The following CDH13 variants were observed in gnomAD, a reference collection of about 807,000 sequenced individuals.
CDH13 encodes the protein cadherin-13.
A neutral mutation model predicts 63.8 loss-of-function variants in CDH13; 24 were observed. The ratio of observed to expected loss-of-function variants is 0.38; its 90% CI spans 0.27 to 0.53. The LOEUF is 0.53. CDH13 is among the 20% of genes least tolerant of loss of function. The probability of loss-of-function intolerance (pLI) is 0.85; values close to 1 mark genes in which losing one functional copy is unlikely to be tolerated. For missense variants in CDH13, 1,049 were observed against 903.1 expected (o/e 1.16, Z -2.07); for synonymous variants, 503 against 355.3 (o/e 1.42, Z -4.67).
At chr16:83,196,583 C>G (rs1351960240) in intron 4 of CDH13, among the ~76,000 whole-genome samples, 2 of 152,054 alleles carry the variant, frequency 1.3e-5, no homozygotes, top group Non-Finnish European at 2.9e-5. Context: ...TCTCTAAACT[C>G]AACAGCAGAA....
chr16:83,343,428 TAAC>T (rs1429227620), intron 5 of CDH13, among the ~76,000 whole-genome samples: 1 of 152,200 alleles, frequency 6.6e-6, no homozygotes, highest in Non-Finnish European at 1.5e-5. Flanking sequence ...TTTTGAGAAA[TAAC>T]AATGCAGTGA....
rs185776473 is a variant in CDH13 at position 83,000,040 on chromosome 16, A to C, written c.158-31970A>C. On this transcript the variant is annotated intron_variant, in intron 2 of 13. Coordinates refer to ENST00000567109, the MANE Select transcript of CDH13 (RefSeq NM_001257.5). ...CATCCATGCAGAACAACAACAACAA[A>C]AAAATATCCTGCCCAAAATGTCAAT... 2.3e-3 allele frequency among the ~76,000 whole-genome samples: 354 copies of C among 152,076 alleles called. 1 individual carries two copies. Among genetic ancestry groups the C allele is most frequent in the East Asian group, 3.5e-3 (18 of 5,152 alleles).
chr16:83,368,350 C>G (rs745692805), intron 6 of CDH13, among the ~76,000 whole-genome samples: 6 of 152,296 alleles, frequency 3.9e-5, no homozygotes, highest in Middle Eastern at 3.4e-3. Flanking sequence ...GCTTACCTTT[C>G]TAACGTGTGA....
intron 5 of CDH13, among the ~76,000 whole-genome samples, chr16:83,241,778 A>G (rs1428237055): frequency 2.6e-5 from 4 of 152,152 alleles, no homozygotes; most frequent in African/African-American, 9.7e-5. Context: ...TCTCCTATTT[A>G]GTAAGTTGCG....
intron 3 of CDH13, among the ~76,000 whole-genome samples, chr16:83,075,391 G>A (rs900121537): frequency 6.6e-6 from 1 of 152,230 alleles, no homozygotes; most frequent in African/African-American, 2.4e-5. Flanking sequence ...CTAGTTACAT[G>A]TAGCATGTGA....
rs549407165 is a variant in CDH13, at chr16:83,259,603, A to G, written c.636+42106A>G. ...GCAGAGAAACACTTGAAAATCATTC[A>G]CTTAAGACAAAGTCAATAGAAGACT... On this transcript the variant is annotated intron_variant, in intron 5 of 13. Coordinates refer to ENST00000567109, the MANE Select transcript of CDH13 (RefSeq NM_001257.5). Among the ~76,000 whole-genome samples the G allele has an allele frequency of 5.3e-5, 8 of 152,348 alleles. No homozygotes were observed. In the East Asian group the frequency reaches 1.3e-3, roughly 26 times the overall value.
chr16:83,471,370 G>A (rs548203056), intron 6 of CDH13, among the ~76,000 whole-genome samples: 1 of 150,976 alleles, frequency 6.6e-6, no homozygotes, highest in Non-Finnish European at 1.5e-5. Flanking sequence ...CACCCTCCGG[G>A]TTCAAATGAT....
intron 4 of CDH13, among the ~76,000 whole-genome samples, chr16:83,158,929 T>C (rs2037331809): frequency 6.6e-6 from 1 of 152,326 alleles, no homozygotes; most frequent in African/African-American, 2.4e-5. Context: ...TAAATAACAC[T>C]GTTCTCAGGA....
At chr16:83,645,534 C>T (rs1053054947) in intron 8 of CDH13, among the ~76,000 whole-genome samples, 7 of 39,576 alleles carry the variant, frequency 1.8e-4, no homozygotes, top group Non-Finnish European at 3.8e-4. Context: ...AACATGCACA[C>T]ATGCCCCCCC....
intron 6 of CDH13, among the ~76,000 whole-genome samples, chr16:83,386,075 A>T (rs1198099376): frequency 2.6e-5 from 4 of 152,354 alleles, no homozygotes; most frequent in Admixed American, 6.5e-5. Flanking sequence ...AATAGAGTAA[A>T]CAACAGTACC....
At chr16:83,576,689 T>G (rs1404866646) in intron 7 of CDH13, among the ~76,000 whole-genome samples, 1 of 152,248 alleles carries the variant, frequency 6.6e-6, no homozygotes, top group Non-Finnish European at 1.5e-5. Flanking sequence ...GTTGCTGTTT[T>G]TTATGCTAGC....
chr16:83,252,256 C>T (rs770992529), intron 5 of CDH13, among the ~76,000 whole-genome samples: 35 of 123,320 alleles, frequency 2.8e-4, no homozygotes, highest in Non-Finnish European at 4.7e-4. Flanking sequence ...GATGTGTTTG[C>T]TACATCTTTT....
At chr16:82,860,774 C>G (rs1173982033) in intron 2 of CDH13, among the ~76,000 whole-genome samples, 1 of 152,060 alleles carries the variant, frequency 6.6e-6, no homozygotes, top group Non-Finnish European at 1.5e-5. Context: ...TTGTCATAGA[C>G]TTGAGAATGC....
chr16:83,104,586 G>A (rs1346796583), intron 3 of CDH13, among the ~76,000 whole-genome samples: 1 of 150,170 alleles, frequency 6.7e-6, no homozygotes, highest in African/African-American at 2.4e-5. Flanking sequence ...GAGGTTTGGG[G>A]AAGGCTTCAG....
chr16:83,033,752 C>G (rs992694662), intron 3 of CDH13, among the ~76,000 whole-genome samples: 7 of 152,198 alleles, frequency 4.6e-5, no homozygotes, highest in African/African-American at 1.7e-4. Flanking sequence ...CTCCTGCCTT[C>G]TTCACCAGGA....
At chr16:83,145,827 C>T (rs913120724) in intron 4 of CDH13, among the ~76,000 whole-genome samples, 1 of 152,082 alleles carries the variant, frequency 6.6e-6, no homozygotes, top group East Asian at 1.9e-4. Flanking sequence ...GCAGAAGGTC[C>T]CACCTTTAGG....
At chr16:82,993,736 C>T (rs887796778) in intron 2 of CDH13, among the ~76,000 whole-genome samples, 5 of 152,084 alleles carry the variant, frequency 3.3e-5, no homozygotes, top group African/African-American at 9.7e-5. Flanking sequence ...TACCAAAAAA[C>T]ACAGAAAACA....
intron 1 of CDH13, among the ~76,000 whole-genome samples, chr16:82,656,329 G>GTGTGTT (rs1259876895): frequency 6.6e-6 from 1 of 151,946 alleles, no homozygotes; most frequent in African/African-American, 2.4e-5. Context: ...GTGTGTGTGT[G>GTGTGTT]TGTGTGTTAA....
At chr16:82,956,351 T>C (rs973881632) in intron 2 of CDH13, among the ~76,000 whole-genome samples, 1 of 150,898 alleles carries the variant, frequency 6.6e-6, no homozygotes, top group Non-Finnish European at 1.5e-5. Flanking sequence ...CTAATTCTAG[T>C]CTTTAATATC....
Sources: allele counts gnomAD v4.1 joint callset (sites outside exome capture counted in the v4.1 genomes callset), GRCh38; gene constraint gnomAD v4.1.1; transcripts MANE v1.5; gene names NCBI Gene and HGNC (gene_info 2026-07-23, HGNC 2026-07-21).